Variants in STXBP4 observed in about 807,000 individuals in gnomAD.
STXBP4 encodes the protein syntaxin binding protein 4, also known as syntaxin-binding protein 4.
STXBP4 carries 55 observed loss-of-function variants against 76.1 expected under a neutral mutation model. That is an observed-to-expected ratio of 0.72 (90% confidence interval 0.58 to 0.91). The LOEUF (loss-of-function observed/expected upper bound fraction) is 0.91, where lower values mean the gene tolerates loss of function less well. Among genes scored for constraint, STXBP4 ranks in the 40% least tolerant of loss-of-function variants. STXBP4 has a pLI of 0.00. For synonymous variants in STXBP4, 201 were observed against 220.2 expected (o/e 0.91, Z 0.77); for missense variants, 618 against 636.9 (o/e 0.97, Z 0.32).
At chr17:55,208,855 G>A in the STXBP4 span, among the ~76,000 whole-genome samples, 7 of 152,018 alleles carry the variant, frequency 4.6e-5, no homozygotes, top group Admixed American at 4.6e-4. Context: ...GCCAAGGCGA[G>A]TGAGTCACTT....
intron 1 of STXBP4, among the ~76,000 whole-genome samples, chr17:54,980,935 G>A (rs929817836): frequency 1.4e-5 from 2 of 140,450 alleles, no homozygotes; most frequent in East Asian, 2.1e-4. Flanking sequence ...ATTTTTTTGC[G>A]TTTTTTTTTT....
chr17:55,043,282 A>G lies in STXBP4; in HGVS notation c.902A>G (p.Lys301Arg). The G allele has an allele frequency of 6.5e-7, 1 of 1,542,534 alleles. No homozygotes were observed. Among genetic ancestry groups the G allele is most frequent in the Admixed American group, 2.0e-5 (1 of 50,364 alleles). ...GAAGCAGATGAAATGGAAAGGCTCA[A>G]GTGTGAAAGAGATGATGCCTTGAAA... ...SSEADEMERL[K>R]CERDDALKEV... Residue 301 changes from lysine to arginine, a missense_variant, in exon 11 of 18, where the codon AAG (lysine) becomes AGG (arginine). Transcript: ENST00000376352.
intron 12 of STXBP4, among the ~76,000 whole-genome samples, chr17:55,055,388 A>G (rs1237135324): frequency 6.6e-6 from 1 of 152,122 alleles, no homozygotes; most frequent in African/African-American, 2.4e-5. Flanking sequence ...TGTTGGGCCT[A>G]CTTTTTAGAA....
At chr17:55,115,624 G>GT (rs1413107022) in intron 16 of STXBP4, among the ~76,000 whole-genome samples, 1 of 151,650 alleles carries the variant, frequency 6.6e-6, no homozygotes, top group Non-Finnish European at 1.5e-5. Flanking sequence ...ACCTTTGTTT[G>GT]TTTTCTCTTT....
intron 7 of STXBP4, among the ~76,000 whole-genome samples, chr17:55,002,299 A>G (rs983933582): frequency 2.0e-5 from 3 of 152,156 alleles, no homozygotes; most frequent in Non-Finnish European, 2.9e-5. Context: ...GAACTATTCA[A>G]TGCCTATTTT....
intron 6 of STXBP4, chr17:55,000,117 A>G (rs1296450555): frequency 1.5e-6 from 1 of 679,352 alleles, no homozygotes; most frequent in Non-Finnish European, 1.8e-6. Flanking sequence ...ACTCAAAACT[A>G]TGTTAAGAAT....
chr17:55,134,174 T>C (rs2080002136), intron 16 of STXBP4, among the ~76,000 whole-genome samples: 1 of 151,678 alleles, frequency 6.6e-6, no homozygotes, highest in African/African-American at 2.4e-5. Context: ...GCGGAGTGTG[T>C]GAATAGTTGG....
intron 4 of STXBP4, chr17:54,991,680 T>G (rs1202858976): frequency 2.6e-5 from 4 of 151,460 alleles, no homozygotes; most frequent in Non-Finnish European, 5.9e-5. Flanking sequence ...TTTGGAGAGA[T>G]ATCAGATATA....
At chr17:55,153,609 TAAG>T (rs2080240016) in intron 17 of STXBP4, among the ~76,000 whole-genome samples, 1 of 152,202 alleles carries the variant, frequency 6.6e-6, no homozygotes, top group African/African-American at 2.4e-5. Flanking sequence ...ATTTGTTAAT[TAAG>T]AAGAATGTTT....
the STXBP4 span, among the ~76,000 whole-genome samples, chr17:55,195,741 A>G: frequency 6.6e-6 from 1 of 152,166 alleles, no homozygotes; most frequent in African/African-American, 2.4e-5. Flanking sequence ...TTTTAAATGC[A>G]TATCTCTTCT....
At position 55,144,005 on chromosome 17, in the gene STXBP4, GCACACACACACACA is replaced by G. The variant is rs61300425; in HGVS notation, c.1547+2670_1547+2683del. ...GGGTTGTCTGGCCCCAAAGCCACCT[GCACACACACACACA>G]CACACACACACACACACACACACAC... On this transcript the variant is annotated intron_variant, in intron 17 of 17. Coordinates refer to ENST00000376352, the MANE Select transcript of STXBP4 (RefSeq NM_178509.6). Among the ~76,000 whole-genome samples the G allele has an allele frequency of 1.4e-3, 197 of 138,934 alleles. 1 individual carries two copies. Among genetic ancestry groups the G allele is most frequent in the South Asian group, 3.6e-3 (15 of 4,132 alleles). 91.1% of individuals were successfully genotyped at this position (138,934 alleles called of 152,430 possible). A position where few individuals can be genotyped will look rare whatever the true frequency, so the allele number is the denominator to read the frequency against.
the STXBP4 span, among the ~76,000 whole-genome samples, chr17:55,210,432 A>G: frequency 2.6e-5 from 4 of 152,168 alleles, no homozygotes; most frequent in Non-Finnish European, 4.4e-5. Context: ...TAGGCCTCAG[A>G]AGGAGGGAAT....
At chr17:55,000,244 C>G (rs972261665) in intron 6 of STXBP4, 1 of 985,364 alleles carries the variant, frequency 1.0e-6, no homozygotes, top group African/African-American at 1.7e-5. Context: ...AGGCTAATCC[C>G]AGGCATCCAA....
At chr17:55,077,995 T>A in intron 13 of STXBP4, 83 bp from the exon 14 acceptor site, 1 of 803,248 alleles carries the variant, frequency 1.2e-6, no homozygotes, top group East Asian at 2.6e-5. Context: ...ATATTGAATA[T>A]TAGTTCATAA....
rs183727409 is a variant in STXBP4, at chr17:54,992,647, C to G, written c.180+1690C>G. Among the ~76,000 whole-genome samples the G allele has an allele frequency of 9.3e-5, 14 of 150,180 alleles. 1 individual carries two copies. Among genetic ancestry groups the G allele is most frequent in the South Asian group, 2.1e-4 (1 of 4,728 alleles). Reference sequence around the variant, plus strand: ...ATATAGTAAGGCATTTCTTAAACTACACTTGATATAATGCAATAGTAGATC... The same window carrying G: ...ATATAGTAAGGCATTTCTTAAACTAGACTTGATATAATGCAATAGTAGATC... On this transcript the variant is annotated intron_variant, in intron 4 of 17. Transcript: ENST00000376352.
At chr17:55,152,216 C>T (rs2080224601) in intron 17 of STXBP4, among the ~76,000 whole-genome samples, 1 of 152,044 alleles carries the variant, frequency 6.6e-6, no homozygotes, top group South Asian at 2.1e-4. Flanking sequence ...TTTATGGACC[C>T]CCCTTTCTGT....
intron 16 of STXBP4, among the ~76,000 whole-genome samples, chr17:55,119,840 C>T (rs1241654661): frequency 6.6e-6 from 1 of 151,948 alleles, no homozygotes; most frequent in Non-Finnish European, 1.5e-5. Context: ...TCCTTTCATG[C>T]TTCTGATATT....
the STXBP4 span, among the ~76,000 whole-genome samples, chr17:55,210,098 C>T: frequency 2.0e-5 from 3 of 152,164 alleles, no homozygotes; most frequent in Non-Finnish European, 4.4e-5. Flanking sequence ...TGGAAAGGAC[C>T]GAGCCCACTG....
intron 8 of STXBP4, among the ~76,000 whole-genome samples, chr17:55,025,766 T>C (rs1482661222): frequency 6.6e-6 from 1 of 152,188 alleles, no homozygotes; most frequent in Non-Finnish European, 1.5e-5. Flanking sequence ...TATTTTATGT[T>C]GCGTTGGAGG....
Sources: gnomAD v4.1 joint callset for allele counts (sites outside exome capture counted in the v4.1 genomes callset) on GRCh38, gnomAD v4.1.1 for gene constraint, MANE v1.5 for transcripts, NCBI Gene and HGNC (gene_info 2026-07-23, HGNC 2026-07-21) for gene names.